CYP4F8: variants seen among roughly 807,000 people sequenced by gnomAD.
The protein encoded by CYP4F8 is cytochrome P450 4F8.
A neutral mutation model predicts 55.0 loss-of-function variants in CYP4F8; 56 were observed. That is an observed-to-expected ratio of 1.02 (90% CI 0.82 to 1.27). CYP4F8 has a LOEUF of 1.27. Among genes scored for constraint, CYP4F8 ranks in the 50% most tolerant of loss-of-function variants. CYP4F8 has a pLI of 0.00. For synonymous variants in CYP4F8, 288 were observed against 267.3 expected (o/e 1.08, Z -0.76); for missense variants, 680 against 682.4 (o/e 1.00, Z 0.04).
rs1263526689 is a variant in CYP4F8, at chr19:15,628,345, G to A, written c.1159G>A (p.Glu387Lys). 6.2e-7 allele frequency: 1 copy of A among 1,613,952 alleles called. No homozygotes were observed. Among genetic ancestry groups the A allele is most frequent in the East Asian group, 2.2e-5 (1 of 44,868 alleles). The change falls in exon 10 of 13, where the codon GAG (glutamate) becomes AAG (lysine). Residue 387 changes from glutamate to lysine, a missense_variant. Transcript: ENST00000612078. ...QLPFLTMCLK[E>K]SLRLHPPIPT... ...GCCCTTCCTGACCATGTGCCTGAAGGAGAGCCTGCGGTTGCATCCCCCAAT... is the reference window on the plus strand; with the variant it reads ...GCCCTTCCTGACCATGTGCCTGAAGAAGAGCCTGCGGTTGCATCCCCCAAT...
Position 15,628,910 on chromosome 19 carries a change from G to A in CYP4F8, c.1397+67G>A, listed in dbSNP as rs962223945. ...GGCACAGATGGCTGCCTTGTCAGAT[G>A]CCTGACTTGTAGGACCACGTGTTTC... On this transcript the variant is annotated intron_variant, in intron 12 of 12. Transcript: ENST00000612078. 12 of 1,486,012 alleles carry A rather than the reference G, an allele frequency of 8.1e-6. No homozygotes were observed. The Admixed American group carries it at 2.2e-4, about 27-fold the overall frequency. 92.1% of individuals were successfully genotyped at this position (1,486,012 alleles called of 1,614,324 possible).
intron 1 of CYP4F8, 154 bp from the exon 2 acceptor site, chr19:15,615,462 A>G: frequency 1.3e-6 from 1 of 771,078 alleles, no homozygotes. Context: ...ATTTTGTGTC[A>G]CTTCTCCTCT....
At chr19:15,628,486 C>T (rs770875803) in intron 10 of CYP4F8, 45 bp from the exon 11 acceptor site, 1 of 1,613,378 alleles carries the variant, frequency 6.2e-7, no homozygotes, top group Non-Finnish European at 8.5e-7. Context: ...GTGGTCCCAG[C>T]AGGCAGCTCG....
At chr19:15,616,630 C>T (rs561372725) in intron 2 of CYP4F8, among the ~76,000 whole-genome samples, 11 of 152,246 alleles carry the variant, frequency 7.2e-5, no homozygotes, top group South Asian at 4.2e-4. Context: ...ACCCTCACAT[C>T]ATGACACAGC....
intron 2 of CYP4F8, among the ~76,000 whole-genome samples, 186 bp downstream of exon 2, chr19:15,616,000 CCTCA>C (rs1453898473): frequency 6.7e-5 from 5 of 74,978 alleles, no homozygotes; most frequent in African/African-American, 1.4e-4. Flanking sequence ...CACTCATTCT[CCTCA>C]CTCACTCATT....
At chr19:15,616,707 CT>C (rs1972127289) in intron 2 of CYP4F8, among the ~76,000 whole-genome samples, 1 of 152,208 alleles carries the variant, frequency 6.6e-6, no homozygotes, top group Non-Finnish European at 1.5e-5. Context: ...TTTATCCCCA[CT>C]AAGCTGTCCC....
At chr19:15,623,061 A>T in intron 6 of CYP4F8, 44 bp from the exon 7 acceptor site, 1 of 1,583,690 alleles carries the variant, frequency 6.3e-7, no homozygotes, top group South Asian at 1.1e-5. Context: ...CCAGGCTTTC[A>T]TGTGGGTAAG....
chr19:15,624,142 T>C, intron 9 of CYP4F8, 48 bp downstream of exon 9: 1 of 1,595,240 alleles, frequency 6.3e-7, no homozygotes, highest in Non-Finnish European at 8.6e-7. Flanking sequence ...TCTGAGTCCT[T>C]CTCGTTGGTT....
In CYP4F8 at chr19:15,618,150, C is replaced by A; in HGVS notation, c.343+6C>A. ...ATCTGTCATCAATACCTCAGGTACT[C>A]CTGCAGAGCTTGTGGTGGTGGGCAC... is the stretch of plus-strand genomic sequence containing the variant. On this transcript the variant is annotated splice_donor_region_variant and intron_variant, in intron 3 of 12. Transcript: ENST00000612078. 3 of 1,614,104 alleles carry A rather than the reference C, an allele frequency of 1.9e-6. No individual in the cohort carries two copies. The highest frequency in any genetic ancestry group is 2.5e-6 in the Non-Finnish European group (3 of 1,179,968).
At chr19:15,619,940 G>A (rs1025631538) in intron 5 of CYP4F8, among the ~76,000 whole-genome samples, 178 bp downstream of exon 5, 1 of 151,168 alleles carries the variant, frequency 6.6e-6, no homozygotes, top group Non-Finnish European at 1.5e-5. Context: ...GCATGTAATG[G>A]ACTCATGTCT....
chr19:15,615,924 T>TCTGATCACTCACTCATTCCG (rs1972110341), intron 2 of CYP4F8, 110 bp downstream of exon 2: 2 of 1,173,380 alleles, frequency 1.7e-6, no homozygotes, highest in Non-Finnish European at 2.3e-6. Flanking sequence ...CACTCATTCC[T>TCTGATCACTCACTCATTCCG]CTGATCACTC....
At chr19:15,628,725 G>T in intron 11 of CYP4F8, 36 bp from the exon 12 acceptor site, 1 of 1,611,996 alleles carries the variant, frequency 6.2e-7, no homozygotes, top group Non-Finnish European at 8.5e-7. Flanking sequence ...TGTCCTGAGA[G>T]GCCCCATCAG....
At position 15,629,525 on chromosome 19, in the gene CYP4F8, G is replaced by T; in HGVS notation, c.*167G>T. The T allele has an allele frequency of 2.1e-6, 2 of 967,988 alleles. No homozygotes were observed. Among genetic ancestry groups the T allele is most frequent in the Non-Finnish European group, 2.9e-6 (2 of 687,480 alleles). 60.0% of individuals were successfully genotyped at this position (967,988 alleles called of 1,614,324 possible). A position where few individuals can be genotyped will look rare whatever the true frequency, so the allele number is the denominator to read the frequency against. The stretch of plus-strand genomic sequence containing the variant: ...GGATCTAGGGCCTGGCTGGGAAGAG[G>T]CGGGGAGATGTCTCTGTGCCCAAGA... On this transcript the variant is annotated 3_prime_UTR_variant, in exon 13 of 13. Transcript: ENST00000612078.
At chr19:15,619,337 C>T in intron 3 of CYP4F8, 153 bp from the exon 4 acceptor site, 2 of 814,140 alleles carry the variant, frequency 2.5e-6, no homozygotes, top group Non-Finnish European at 1.9e-6. Flanking sequence ...TTTATGCCCC[C>T]CACCCTCCTT....
chr19:15,620,280 C>T (rs1364171963), intron 5 of CYP4F8, among the ~76,000 whole-genome samples: 1 of 152,188 alleles, frequency 6.6e-6, no homozygotes, highest in East Asian at 1.9e-4. Context: ...TCAGCTGGGA[C>T]ACCTGGACTT....
chr19:15,618,167 G>A (rs890749413), intron 3 of CYP4F8, 23 bp downstream of exon 3: 1 of 1,613,998 alleles, frequency 6.2e-7, no homozygotes, highest in Non-Finnish European at 8.5e-7. Context: ...AGCTTGTGGT[G>A]GTGGGCACAG....
At chr19:15,624,222 G>C in intron 9 of CYP4F8, 128 bp downstream of exon 9, 1 of 1,452,488 alleles carries the variant, frequency 6.9e-7, no homozygotes, top group Non-Finnish European at 9.2e-7. Flanking sequence ...AGTGGGAATA[G>C]GAGTAGAGCC....
rs1972105709 is a variant in CYP4F8, at chr19:15,615,688, G to A, written c.72G>A (p.Val24=). Residue 24 remains valine, a synonymous_variant, in exon 2 of 13, where the codon GTG becomes GTA. Transcript: ENST00000612078. The part of the protein sequence containing the change: ...VAASPWLLLL[V]VGASWLLARI... Reference sequence around the variant, plus strand: ...CATCCCCGTGGCTGCTCCTGCTGGTGGTCGGGGCCTCCTGGCTCCTGGCCC... The same window carrying A: ...CATCCCCGTGGCTGCTCCTGCTGGTAGTCGGGGCCTCCTGGCTCCTGGCCC... The A allele has an allele frequency of 1.2e-6, 2 of 1,613,908 alleles. No individual in the cohort carries two copies. The highest frequency in any genetic ancestry group is 1.1e-5 in the South Asian group (1 of 91,082).
intron 9 of CYP4F8, among the ~76,000 whole-genome samples, chr19:15,626,605 A>ATATCTACTATCTATCTATC (rs532590274): frequency 4.1e-5 from 6 of 146,836 alleles, no homozygotes; most frequent in Non-Finnish European, 9.0e-5. Context: ...ATTGTTCTGG[A>ATATCTACTATCTATCTATC]TATCTATCTA....
Sources: allele counts gnomAD v4.1 joint callset (sites outside exome capture counted in the v4.1 genomes callset), GRCh38; gene constraint gnomAD v4.1.1; transcripts MANE v1.5; gene names NCBI Gene and HGNC (gene_info 2026-07-23, HGNC 2026-07-21).